The following CDC42BPA variants were observed in gnomAD, a reference collection of about 807,000 sequenced individuals.
CDC42BPA encodes serine/threonine-protein kinase MRCK alpha.
Under a neutral mutation model 223.5 loss-of-function variants are expected in CDC42BPA, and 80 were observed. The ratio of observed to expected loss-of-function variants is 0.36; its 90% CI spans 0.30 to 0.43. The LOEUF is 0.43. Ranked by LOEUF, CDC42BPA falls within the 20% of genes least tolerant of loss-of-function variation. The pLI, the probability that CDC42BPA is intolerant of heterozygous loss-of-function variation, is 1.00. For missense variants in CDC42BPA, 1,743 were observed against 2,099.9 expected, an observed-to-expected ratio of 0.83 and a Z score of 3.32; for synonymous variants, 694 against 718.6, an observed-to-expected ratio of 0.97 and a Z score of 0.55.
At chr1:227,081,272 T>G (rs1680564660) in intron 16 of CDC42BPA, among the ~76,000 whole-genome samples, 1 of 150,280 alleles carries the variant, frequency 6.7e-6, no homozygotes, top group Non-Finnish European at 1.5e-5. Context: ...CCATTTCTGT[T>G]GGTAATAGCT....
At chr1:227,007,594 G>GT (rs1345675652) in intron 34 of CDC42BPA, among the ~76,000 whole-genome samples, 1 of 152,126 alleles carries the variant, frequency 6.6e-6, no homozygotes, top group East Asian at 1.9e-4. Flanking sequence ...GCTAACTAGT[G>GT]TATTTTTAAA....
At chr1:227,202,958 A>T (rs6697372) in intron 3 of CDC42BPA, among the ~76,000 whole-genome samples, 104,424 of 151,910 alleles carry the variant, frequency 0.69, 36,091 homozygotes, top group South Asian at 0.74. Context: ...TAAGAAAATA[A>T]ACAATATAAA....
At chr1:227,213,780 TAG>T (rs1674358597) in intron 2 of CDC42BPA, among the ~76,000 whole-genome samples, 1 of 151,836 alleles carries the variant, frequency 6.6e-6, no homozygotes, top group South Asian at 2.1e-4. Context: ...TACATACGCA[TAG>T]AGAGCAATTA....
At chr1:227,208,885 C>G (rs967407808) in intron 3 of CDC42BPA, among the ~76,000 whole-genome samples, 1 of 152,008 alleles carries the variant, frequency 6.6e-6, no homozygotes, top group African/African-American at 2.4e-5. Flanking sequence ...TTTTCCAATT[C>G]TGTGAAGAAA....
intron 5 of CDC42BPA, among the ~76,000 whole-genome samples, chr1:227,163,108 ATATGTGTG>A (rs1468665676): frequency 9.8e-4 from 58 of 59,026 alleles, no homozygotes; most frequent in Admixed American, 4.5e-3. Flanking sequence ...TTCCAAACAT[ATATGTGTG>A]TATGTTTCCA....
Position 227,112,680 on chromosome 1 carries a change from G to A in CDC42BPA, c.1881C>T (p.Ala627=). The stretch of plus-strand genomic sequence containing the variant: ...TTGCCTGACTACTAACCTCTTTTTT[G>A]GCTCTTTCTGTTCTGCGCAGTTCTT... ...LRQELRRTER[A]KKELEVHTEA... Residue 627 remains alanine (A), a synonymous_variant, in exon 13 of 37, where the codon GCC becomes GCT. Coordinates refer to ENST00000366766, the MANE Select transcript of CDC42BPA (RefSeq NM_001394014.1). The A allele has an allele frequency of 6.2e-7, 1 of 1,609,792 alleles. No individual in the cohort carries two copies. Among genetic ancestry groups the A allele is most frequent in the Non-Finnish European group, 8.5e-7 (1 of 1,178,836 alleles).
At chr1:227,200,952 T>C (rs1328730099) in intron 3 of CDC42BPA, among the ~76,000 whole-genome samples, 1 of 152,146 alleles carries the variant, frequency 6.6e-6, no homozygotes, top group Non-Finnish European at 1.5e-5. Flanking sequence ...TGCAGATAAA[T>C]AGCTTTATAT....
chr1:227,174,322 G>A lies in CDC42BPA; in HGVS notation c.600-13686C>T, dbSNP rs79138764. Among the ~76,000 whole-genome samples, 388 of 152,234 alleles carry A rather than the reference G, an allele frequency of 2.5e-3. 9 individuals carry two copies. In the East Asian group the frequency reaches 0.047, roughly 19 times the overall value. On this transcript the variant is annotated intron_variant, in intron 5 of 36. Coordinates refer to ENST00000366766, the MANE Select transcript of CDC42BPA (RefSeq NM_001394014.1). ...AAGAGACTGAGAGAATTTTGAGTAA[G>A]CCTTAGGCCTCAAAATATTTCTATC...
At chr1:227,141,525 T>A (rs7365134) in intron 9 of CDC42BPA, among the ~76,000 whole-genome samples, 34 of 151,808 alleles carry the variant, frequency 2.2e-4, no homozygotes, top group African/African-American at 8.2e-4. Context: ...AATTTGGGTC[T>A]AACAGTAAGT....
At chr1:227,245,074 G>A (rs1171370820) in intron 2 of CDC42BPA, among the ~76,000 whole-genome samples, 1 of 152,132 alleles carries the variant, frequency 6.6e-6, no homozygotes, top group African/African-American at 2.4e-5. Context: ...AGGTAAACCT[G>A]AATGGCAGTC....
chr1:227,143,856 G>T (rs1235624045), intron 8 of CDC42BPA, among the ~76,000 whole-genome samples: 1 of 152,086 alleles, frequency 6.6e-6, no homozygotes, highest in Non-Finnish European at 1.5e-5. Flanking sequence ...AGTGTTCAAG[G>T]CAACTATATA....
intron 10 of CDC42BPA, among the ~76,000 whole-genome samples, chr1:227,134,454 A>C (rs1420315946): frequency 6.6e-6 from 1 of 152,170 alleles, no homozygotes; most frequent in Non-Finnish European, 1.5e-5. Context: ...CATACTGACC[A>C]TTTCACATTT....
intron 1 of CDC42BPA, among the ~76,000 whole-genome samples, chr1:227,297,128 G>C (rs1473471603): frequency 6.6e-6 from 1 of 152,104 alleles, no homozygotes; most frequent in East Asian, 1.9e-4. Context: ...TGGGCAAAGG[G>C]TTAATCAGAC....
At chr1:227,135,019 G>C (rs1487913511) in intron 10 of CDC42BPA, among the ~76,000 whole-genome samples, 1 of 152,150 alleles carries the variant, frequency 6.6e-6, no homozygotes, top group Admixed American at 6.5e-5. Context: ...GTTGGAGTTG[G>C]GAAAGTGAGC....
At chr1:227,075,901 T>C (rs1235771914) in intron 17 of CDC42BPA, among the ~76,000 whole-genome samples, 1 of 152,214 alleles carries the variant, frequency 6.6e-6, no homozygotes, top group Non-Finnish European at 1.5e-5. Flanking sequence ...TAATTAACTT[T>C]GGAAATCAAC....
At chr1:227,190,300 G>T (rs746629848) in intron 5 of CDC42BPA, among the ~76,000 whole-genome samples, 2 of 152,136 alleles carry the variant, frequency 1.3e-5, no homozygotes, top group African/African-American at 2.4e-5. Context: ...TTTAATCTAG[G>T]CTATGCTACT....
intron 15 of CDC42BPA, among the ~76,000 whole-genome samples, chr1:227,096,968 T>C (rs1325866435): frequency 6.6e-6 from 1 of 152,090 alleles, no homozygotes; most frequent in Non-Finnish European, 1.5e-5. Flanking sequence ...CACAGACAAG[T>C]TCCCACCACC....
At chr1:227,018,154 C>T (rs1484106489) in intron 32 of CDC42BPA, among the ~76,000 whole-genome samples, 2 of 151,942 alleles carry the variant, frequency 1.3e-5, no homozygotes, top group African/African-American at 4.8e-5. Flanking sequence ...TCAAGTGATC[C>T]TCCTGTCTTG....
intron 3 of CDC42BPA, among the ~76,000 whole-genome samples, chr1:227,206,354 C>CAATT (rs3035398): frequency 0.69 from 104,029 of 151,546 alleles, 35,877 homozygotes; most frequent in South Asian, 0.73. Context: ...AATTATTGGA[C>CAATT]ATTATATTAT....
Sources: gnomAD v4.1 joint callset for allele counts (sites outside exome capture counted in the v4.1 genomes callset) on GRCh38, gnomAD v4.1.1 for gene constraint, MANE v1.5 for transcripts, NCBI Gene and HGNC (gene_info 2026-07-23, HGNC 2026-07-21) for gene names.